Variants in TAF1A observed in about 807,000 individuals in gnomAD.
TAF1A encodes the protein TATA box-binding protein-associated factor RNA polymerase I subunit A.
A neutral mutation model predicts 61.6 loss-of-function variants in TAF1A; 42 were observed. The ratio of observed to expected loss-of-function variants is 0.68; its 90% confidence interval spans 0.53 to 0.88. TAF1A has a LOEUF of 0.88. Ranked by LOEUF, TAF1A falls within the 40% of genes least tolerant of loss-of-function variation. TAF1A has a pLI of 0.00. For synonymous variants in TAF1A, 179 were observed against 177.7 expected (o/e 1.01, Z -0.06); for missense variants, 424 against 518.7 (o/e 0.82, Z 1.77).
At chr1:222,562,133 G>A (rs1461920610) in intron 9 of TAF1A, among the ~76,000 whole-genome samples, 1 of 152,126 alleles carries the variant, frequency 6.6e-6, no homozygotes, top group Non-Finnish European at 1.5e-5. Flanking sequence ...AATTCTGTGT[G>A]TCTGTGAATA....
intron 5 of TAF1A, among the ~76,000 whole-genome samples, chr1:222,572,851 C>T (rs149609774): frequency 1.7e-3 from 261 of 152,246 alleles, no homozygotes; most frequent in African/African-American, 6.2e-3. Context: ...AAAATCTTTG[C>T]GACCTTGCAG....
At chr1:222,570,045 T>C (rs1660285550) in intron 6 of TAF1A, among the ~76,000 whole-genome samples, 1 of 152,160 alleles carries the variant, frequency 6.6e-6, no homozygotes, top group Non-Finnish European at 1.5e-5. Flanking sequence ...ACAACACAAT[T>C]ATCAACTTGC....
intron 5 of TAF1A, among the ~76,000 whole-genome samples, chr1:222,573,316 C>G (rs929464889): frequency 1.3e-5 from 2 of 152,018 alleles, no homozygotes; most frequent in African/African-American, 4.8e-5. Flanking sequence ...TGAAAACACA[C>G]AGAAAAGGTG....
At chr1:222,556,696 T>C (rs72738208), downstream of TAF1A, among the ~76,000 whole-genome samples, 14,843 of 152,230 alleles carry the variant, frequency 0.098, 878 homozygotes, top group South Asian at 0.17. Flanking sequence ...GAACATTTGA[T>C]GTAAAAATGT....
chr1:222,555,428 T>C (rs1022356507), downstream of TAF1A, among the ~76,000 whole-genome samples: 7 of 152,174 alleles, frequency 4.6e-5, no homozygotes, highest in Admixed American at 6.5e-5. Context: ...ATGGAGGACA[T>C]TATGCTGAGC....
Position 222,558,536 on chromosome 1 carries a change from A to G in TAF1A, c.*124T>C, listed in dbSNP as rs984545454. On this transcript the variant is annotated 3_prime_UTR_variant, in exon 11 of 11. Coordinates refer to ENST00000352967, the MANE Select transcript of TAF1A (RefSeq NM_005681.4). ...CTATAAATAATACAAAAATATAAAA[A>G]TATATAAAAATAAGTTTTTTGTAGT... 7.6e-5 allele frequency: 28 copies of G among 366,402 alleles called. No individual in the cohort carries two copies. The highest frequency in any genetic ancestry group is 5.7e-4 in the African/African-American group (27 of 47,596). 22.7% of individuals were successfully genotyped at this position (366,402 alleles called of 1,614,324 possible). A position where few individuals can be genotyped will look rare whatever the true frequency, so the allele number is the denominator to read the frequency against.
Position 222,584,300 on chromosome 1 carries a change from A to G in TAF1A, c.122-3T>C. ...CTTCCTCCTTTTCCCTCCAATGGCT[A>G]TAAAAACGAAAAAGAAGAGAGTTTT... is the stretch of plus-strand genomic sequence containing the variant. On this transcript the variant is annotated splice_polypyrimidine_tract_variant and splice_region_variant and intron_variant, in intron 2 of 10. Coordinates refer to ENST00000352967, the MANE Select transcript of TAF1A (RefSeq NM_005681.4). 1 of 1,575,096 alleles carries G rather than the reference A, an allele frequency of 6.3e-7. No homozygotes were observed. The highest frequency in any genetic ancestry group is 8.6e-7 in the Non-Finnish European group (1 of 1,167,266).
intron 3 of TAF1A, among the ~76,000 whole-genome samples, chr1:222,583,514 C>T (rs528741455): frequency 6.6e-6 from 1 of 151,896 alleles, no homozygotes; most frequent in African/African-American, 2.4e-5. Flanking sequence ...GAAGTATAGT[C>T]TATGGGGGAA....
rs931437153 is a variant in TAF1A at position 222,589,828 on chromosome 1, G to A, written c.-104C>T. On this transcript the variant is annotated 5_prime_UTR_variant, in exon 1 of 11. Coordinates refer to ENST00000352967, the MANE Select transcript of TAF1A (RefSeq NM_005681.4). The stretch of plus-strand genomic sequence containing the variant: ...AAGACGAGTTAGGAGAGCTTTATAT[G>A]AGCAGGCGCTAAACCTGGTTTAGGT... 2.6e-6 allele frequency: 1 copy of A among 379,912 alleles called. No homozygotes were observed. The highest frequency in any genetic ancestry group is 1.5e-4 in the South Asian group (1 of 6,852). The allele number at this position is 379,912 out of a possible 1,614,324, so 23.5% of individuals were successfully genotyped here.
At chr1:222,555,758 T>A (rs1659717950), downstream of TAF1A, among the ~76,000 whole-genome samples, 1 of 152,172 alleles carries the variant, frequency 6.6e-6, no homozygotes, top group Non-Finnish European at 1.5e-5. Context: ...GTAGAGGTAA[T>A]GAAGATATTA....
At chr1:222,585,655 C>G (rs1660983124) in intron 2 of TAF1A, among the ~76,000 whole-genome samples, 1 of 151,994 alleles carries the variant, frequency 6.6e-6, no homozygotes, top group African/African-American at 2.4e-5. Context: ...CTGTGTACAA[C>G]TATTAATGAT....
intron 2 of TAF1A, among the ~76,000 whole-genome samples, chr1:222,588,080 C>T (rs911240718): frequency 2.0e-5 from 3 of 152,000 alleles, no homozygotes; most frequent in Non-Finnish European, 4.4e-5. Flanking sequence ...ACGATCAATT[C>T]TATTCGAAAT....
At chr1:222,582,557 A>G (rs920240412) in intron 3 of TAF1A, among the ~76,000 whole-genome samples, 5 of 152,216 alleles carry the variant, frequency 3.3e-5, no homozygotes, top group Non-Finnish European at 5.9e-5. Flanking sequence ...GAGGCTAAAC[A>G]TAGTGTTACC....
At chr1:222,573,950 A>G (rs11487857) in intron 5 of TAF1A, among the ~76,000 whole-genome samples, 27 of 150,256 alleles carry the variant, frequency 1.8e-4, no homozygotes, top group African/African-American at 5.4e-4. Flanking sequence ...CTATAACATT[A>G]AAAACATTAT....
chr1:222,571,801 A>C (rs1399592911), intron 5 of TAF1A, among the ~76,000 whole-genome samples: 1 of 152,212 alleles, frequency 6.6e-6, no homozygotes, highest in Non-Finnish European at 1.5e-5. Context: ...GATACATGTA[A>C]TTCCTATCAA....
At chr1:222,579,605 C>G (rs1016693986) in intron 4 of TAF1A, among the ~76,000 whole-genome samples, 154 bp downstream of exon 4, 6 of 152,138 alleles carry the variant, frequency 3.9e-5, no homozygotes, top group African/African-American at 1.4e-4. Context: ...GTAAATGGTT[C>G]TCATAACGCT....
At chr1:222,582,674 C>A (rs995772398) in intron 3 of TAF1A, among the ~76,000 whole-genome samples, 1 of 152,090 alleles carries the variant, frequency 6.6e-6, no homozygotes, top group African/African-American at 2.4e-5. Flanking sequence ...TTTCCAATAA[C>A]CGAAAAGCAA....
At chr1:222,563,959 A>T in intron 8 of TAF1A, 100 bp downstream of exon 8, 1 of 722,112 alleles carries the variant, frequency 1.4e-6, no homozygotes, top group South Asian at 1.7e-5. Context: ...GATTTATAAA[A>T]TCAGGAAAGG....
chr1:222,581,091 C>A (rs1438596720), intron 3 of TAF1A, among the ~76,000 whole-genome samples: 1 of 152,068 alleles, frequency 6.6e-6, no homozygotes, highest in Non-Finnish European at 1.5e-5. Context: ...GTGAGTGAGA[C>A]TCCATCTCAA....
Sources: allele counts gnomAD v4.1 joint callset (sites outside exome capture counted in the v4.1 genomes callset), GRCh38; gene constraint gnomAD v4.1.1; transcripts MANE v1.5; gene names NCBI Gene and HGNC (gene_info 2026-07-23, HGNC 2026-07-21).